HGFAC: variants seen among roughly 807,000 people sequenced by gnomAD.
HGFAC encodes HGF activator, also known as hepatocyte growth factor activator serine protease.
Under a neutral mutation model 70.6 loss-of-function variants are expected in HGFAC, and 76 were observed. The observed-to-expected ratio is 1.08, with a 90% CI of 0.89 to 1.30. The LOEUF (loss-of-function observed/expected upper bound fraction) is 1.30, where lower values mean the gene tolerates loss of function less well. Among genes scored for constraint, HGFAC ranks in the 50% most tolerant of loss-of-function variants. HGFAC has a pLI of 0.00. For synonymous variants in HGFAC, 464 were observed against 405.3 expected (o/e 1.14, Z -1.74); for missense variants, 1,044 against 933.7 (o/e 1.12, Z -1.54).
intron 13 of HGFAC, 51 bp from the exon 14 acceptor site, chr4:3,449,186 T>C (rs1287989210): frequency 2.0e-6 from 3 of 1,536,888 alleles, no homozygotes; most frequent in East Asian, 2.3e-5. Flanking sequence ...GAGAGGGGGG[T>C]CCCTGAACCA....
intron 13 of HGFAC, among the ~76,000 whole-genome samples, chr4:3,448,845 C>T (rs1725625050): frequency 6.6e-6 from 1 of 152,160 alleles, no homozygotes; most frequent in African/African-American, 2.4e-5. Flanking sequence ...TAGGGCTTGT[C>T]ACTGGACCTC....
chr4:3,442,042 C>A lies in HGFAC; in HGVS notation c.41C>A (p.Pro14Gln), dbSNP rs150750289. ...TGGGTCCCCAGCCCCTGGCCCCCAC[C>A]GGGGCTGGGCCCCTTCCTCCTCCTC... ...WAWVPSPWPP[P>Q]GLGPFLLLLL... The change falls in exon 1 of 14, where the codon CCG (proline) becomes CAG (glutamine). Residue 14 changes from proline (P) to glutamine (Q), a missense_variant. Physicochemically the swap from Pro to Gln is moderately conservative, Grantham distance 76 (BLOSUM62 -1). Coordinates refer to ENST00000382774, the MANE Select transcript of HGFAC (RefSeq NM_001528.4). 2 of 1,529,536 alleles carry A rather than the reference C, an allele frequency of 1.3e-6. No homozygotes were observed. The highest frequency in any genetic ancestry group is 1.7e-6 in the Non-Finnish European group (2 of 1,154,988). 94.7% of individuals were successfully genotyped at this position (1,529,536 alleles called of 1,614,324 possible). A position where few individuals can be genotyped will look rare whatever the true frequency, so the allele number is the denominator to read the frequency against.
At chr4:3,445,962 C>T (rs1725493299) in intron 9 of HGFAC, 80 bp from the exon 10 acceptor site, 2 of 1,573,690 alleles carry the variant, frequency 1.3e-6, no homozygotes, top group Non-Finnish European at 1.7e-6. Context: ...TGCAGCGCCT[C>T]CTGCCGGGTA....
chr4:3,443,345 G>A lies in HGFAC; in HGVS notation c.400G>A (p.Ala134Thr). The A allele has an allele frequency of 1.3e-6, 2 of 1,542,166 alleles. No individual in the cohort carries two copies. Among genetic ancestry groups the A allele is most frequent in the Non-Finnish European group, 1.7e-6 (2 of 1,142,912 alleles). The change falls in exon 4 of 14, where the codon GCC becomes ACC. Residue 134 changes from alanine to threonine, a missense_variant. By Grantham distance (58) the Ala-to-Thr change is moderately conservative. Transcript: ENST00000382774. ...CACGCAGGTGTCGCCCCCCAGGTGTGCCACAACTCACAACTACGACCGGGA... is the reference window on the plus strand; with the variant it reads ...CACGCAGGTGTCGCCCCCCAGGTGTACCACAACTCACAACTACGACCGGGA... ...SEGSAHRKWC[A>T]TTHNYDRDRA...
Position 3,446,641 on chromosome 4 carries a change from G to A in HGFAC, c.1355+347G>A, listed in dbSNP as rs1439414630. Among the ~76,000 whole-genome samples the A allele has an allele frequency of 3.3e-5, 5 of 152,098 alleles. No homozygotes were observed. The East Asian group carries it at 5.8e-4, about 18-fold the overall frequency. ...GGCTCTCAGTAGGGAGCCAGGGAGC[G>A]CAGTGACAATGCGTCAGAGCCCTAG... On this transcript the variant is annotated intron_variant, in intron 10 of 13. Coordinates refer to ENST00000382774, the MANE Select transcript of HGFAC (RefSeq NM_001528.4).
In HGFAC at chr4:3,446,039, C is replaced by A; in HGVS notation, c.1103-3C>A. The A allele has an allele frequency of 6.2e-7, 1 of 1,607,604 alleles. No homozygotes were observed. The highest frequency in any genetic ancestry group is 2.2e-5 in the East Asian group (1 of 44,712). The stretch of plus-strand genomic sequence containing the variant: ...GGTGTGACCCGGTGACCTTTGCTCC[C>A]AGAATCCCTCACCAGAGTCCAACTG... On this transcript the variant is annotated splice_region_variant and splice_polypyrimidine_tract_variant and intron_variant, in intron 9 of 13. Coordinates refer to ENST00000382774, the MANE Select transcript of HGFAC (RefSeq NM_001528.4).
chr4:3,443,735 CCTG>C (rs902206272), intron 4 of HGFAC, among the ~76,000 whole-genome samples: 1 of 152,064 alleles, frequency 6.6e-6, no homozygotes, highest in African/African-American at 2.4e-5. Context: ...TGCCAGCCGC[CCTG>C]CTCACATGGG....
chr4:3,445,770 G>A (rs1018455475), intron 9 of HGFAC: 1 of 1,107,566 alleles, frequency 9.0e-7, no homozygotes, highest in Non-Finnish European at 1.3e-6. Context: ...TGCTGGGGCT[G>A]GCTGTGGGGT....
rs181752971 is a variant in HGFAC, at chr4:3,443,040, C to T, written c.299-10C>T. 20 of 1,592,554 alleles carry T rather than the reference C, an allele frequency of 1.3e-5. No individual in the cohort carries two copies. In the Admixed American group the frequency reaches 1.4e-4, roughly 11 times the overall value. ...GAGGGAGCCCTGACCCTGCCACCCC[C>T]TCCCCACAGCACTCACCGAGGACGG... On this transcript the variant is annotated splice_polypyrimidine_tract_variant and intron_variant, in intron 2 of 13. Coordinates refer to ENST00000382774, the MANE Select transcript of HGFAC (RefSeq NM_001528.4).
chr4:3,448,292 C>T lies in HGFAC; in HGVS notation c.1785+16C>T. Reference sequence around the variant, plus strand: ...CGCCTGCCAGGTGAGCTGGTGCCCGCCCCACCAGGACCCGACTGGTGGGGG... The same window carrying T: ...CGCCTGCCAGGTGAGCTGGTGCCCGTCCCACCAGGACCCGACTGGTGGGGG... On this transcript the variant is annotated intron_variant, in intron 13 of 13. Coordinates refer to ENST00000382774, the MANE Select transcript of HGFAC (RefSeq NM_001528.4). 1 of 1,602,788 alleles carries T rather than the reference C, an allele frequency of 6.2e-7. No individual in the cohort carries two copies. The highest frequency in any genetic ancestry group is 8.5e-7 in the Non-Finnish European group (1 of 1,176,886).
chr4:3,441,742 G>A, upstream of HGFAC: 2 of 404,632 alleles, frequency 4.9e-6, no homozygotes, highest in Non-Finnish European at 8.7e-6. This position sits in a 1 kb window ranked among gnomAD's most constrained non-coding sequence, Gnocchi z 6.0. Flanking sequence ...AGGCTTCTAA[G>A]CTGAGGCCCA....
At chr4:3,446,870 C>CT (rs1485662777) in intron 10 of HGFAC, among the ~76,000 whole-genome samples, 2 of 152,200 alleles carry the variant, frequency 1.3e-5, no homozygotes, top group African/African-American at 4.8e-5. Context: ...AGCCGAGGGT[C>CT]TGGCGGCCTT....
rs776565154 is a variant in HGFAC at position 3,444,142 on chromosome 4, C to T, written c.579C>T (p.Thr193=). Residue 193 remains threonine, a synonymous_variant, in exon 5 of 14, where the codon ACC becomes ACT. Transcript: ENST00000382774. ...SYHCSCPRAF[T]GKDCGTEKCF... ...ACTGCAGCTGCCCCCGGGCCTTCACCGGCAAGGACTGCGGCACAGGTGAGC... is the reference window on the plus strand; with the variant it reads ...ACTGCAGCTGCCCCCGGGCCTTCACTGGCAAGGACTGCGGCACAGGTGAGC... 2.5e-5 allele frequency: 40 copies of T among 1,610,220 alleles called. No individual in the cohort carries two copies. Among genetic ancestry groups the T allele is most frequent in the South Asian group, 1.5e-4 (14 of 90,776 alleles).
Position 3,446,409 on chromosome 4 carries a change from C to G in HGFAC, c.1355+115C>G, listed in dbSNP as rs3213512. On this transcript the variant is annotated intron_variant, in intron 10 of 13. Coordinates refer to ENST00000382774, the MANE Select transcript of HGFAC (RefSeq NM_001528.4). ...CCCATCCCGGTGCCTCTGCTGACCC[C>G]TTCCCGGGGTCCCCGGTAACCCTCT... The G allele has an allele frequency of 1.5e-3, 1,985 of 1,362,676 alleles. 42 individuals are homozygous for G. The Admixed American group carries it at 0.024, about 16-fold the overall frequency. The allele number at this position is 1,362,676 out of a possible 1,614,324, so 84.4% of individuals were successfully genotyped here. A position where few individuals can be genotyped will look rare whatever the true frequency, so the allele number is the denominator to read the frequency against.
At chr4:3,445,395 A>G in intron 9 of HGFAC, 45 bp downstream of exon 9, 1 of 1,383,200 alleles carries the variant, frequency 7.2e-7, no homozygotes, top group Non-Finnish European at 1.0e-6. Flanking sequence ...CACCGAGGTC[A>G]CAGCAGTTTT....
chr4:3,444,107 C>A lies in HGFAC; in HGVS notation c.544C>A (p.Gln182Lys). The A allele has an allele frequency of 6.2e-7, 1 of 1,612,266 alleles. No homozygotes were observed. Among genetic ancestry groups the A allele is most frequent in the East Asian group, 2.2e-5 (1 of 44,862 alleles). Residue 182 changes from glutamine to lysine, a missense_variant, in exon 5 of 14, where the codon CAG (glutamine) becomes AAG (lysine). By Grantham distance (53) the Gln-to-Lys change is moderately conservative. Coordinates refer to ENST00000382774, the MANE Select transcript of HGFAC (RefSeq NM_001528.4). The part of the protein sequence containing the change: ...GGSCSNTQDP[Q>K]SYHCSCPRAF... ...CTCCTGCTCCAATACCCAGGACCCC[C>A]AGTCCTATCACTGCAGCTGCCCCCG... is the stretch of plus-strand genomic sequence containing the variant.
At chr4:3,446,412 C>T in intron 10 of HGFAC, 118 bp downstream of exon 10, 1 of 1,287,268 alleles carries the variant, frequency 7.8e-7, no homozygotes, top group African/African-American at 1.5e-5. Context: ...CTGACCCCTT[C>T]CCGGGGTCCC....
chr4:3,446,108 G>T lies in HGFAC; in HGVS notation c.1169G>T (p.Gly390Val), dbSNP rs776274305. 2 of 1,610,848 alleles carry T rather than the reference G, an allele frequency of 1.2e-6. No individual in the cohort carries two copies. The highest frequency in any genetic ancestry group is 1.7e-4 in the Middle Eastern group (1 of 6,050). The change falls in exon 10 of 14, where the codon GGG becomes GTG. Residue 390 changes from glycine to valine, a missense_variant. Coordinates refer to ENST00000382774, the MANE Select transcript of HGFAC (RefSeq NM_001528.4). ...ACCCTGCCTGAGCCAGCCTCCCCGG[G>T]GCGCCAGGCCTGCGGCAGGAGGCAC... ...LATLPEPASP[G>V]RQACGRRHKK...
At position 3,443,624 on chromosome 4, in the gene HGFAC, A is replaced by G. The variant is rs375878439; in HGVS notation, c.475+204A>G. On this transcript the variant is annotated intron_variant, in intron 4 of 13. Coordinates refer to ENST00000382774, the MANE Select transcript of HGFAC (RefSeq NM_001528.4). ...TGCGTCTCATGGTGGCTGCGCGGCC[A>G]TCGCTGGGGCCAAGGCGCCGCCTGG... Among the ~76,000 whole-genome samples the G allele has an allele frequency of 4.1e-4, 62 of 152,216 alleles. 1 individual carries two copies. The Middle Eastern group carries it at 0.01, about 25-fold the overall frequency.
Sources: allele counts gnomAD v4.1 joint callset (sites outside exome capture counted in the v4.1 genomes callset), GRCh38; gene constraint gnomAD v4.1.1; non-coding constraint Gnocchi (gnomAD v3.1); transcripts MANE v1.5; gene names NCBI Gene and HGNC (gene_info 2026-07-23, HGNC 2026-07-21).